The following ZNF814 variants were observed in gnomAD, a reference collection of about 807,000 sequenced individuals.
The protein encoded by ZNF814 is zinc finger protein 814.
ZNF814 carries 5 observed loss-of-function variants against 7.5 expected under a neutral mutation model. That is an observed-to-expected ratio of 0.67 (90% CI 0.35 to 1.40). The LOEUF is 1.40. Ranked by LOEUF, ZNF814 falls within the 40% of genes most tolerant of loss-of-function variation. The probability of loss-of-function intolerance (pLI) is 0.04; values close to 1 mark genes in which losing one functional copy is unlikely to be tolerated. For missense variants in ZNF814, 962 were observed against 1,018.0 expected, an observed-to-expected ratio of 0.94 and a Z score of 0.75; for synonymous variants, 315 against 340.7, an observed-to-expected ratio of 0.92 and a Z score of 0.83.
intron 1 of ZNF814, among the ~76,000 whole-genome samples, chr19:57,878,423 C>CCATT (rs2071625289): frequency 6.6e-6 from 1 of 151,658 alleles, no homozygotes; most frequent in African/African-American, 2.4e-5. Flanking sequence ...CTGCCTGGTC[C>CCATT]CATTGATCGA....
At chr19:57,897,079 C>A in the ZNF814 span, among the ~76,000 whole-genome samples, 1 of 152,002 alleles carries the variant, frequency 6.6e-6, no homozygotes, top group East Asian at 1.9e-4. Context: ...CTGACAAGGA[C>A]CTAAAGAACC....
At chr19:57,893,065 G>A (rs2071741257), upstream of ZNF814, among the ~76,000 whole-genome samples, 4 of 152,098 alleles carry the variant, frequency 2.6e-5, no homozygotes, top group African/African-American at 9.7e-5. Flanking sequence ...CCCCAAGGGT[G>A]TGGTGCAGCC....
intron 1 of ZNF814, among the ~76,000 whole-genome samples, chr19:57,879,354 T>C (rs1568519901): frequency 6.8e-6 from 1 of 147,950 alleles, no homozygotes; most frequent in Non-Finnish European, 1.5e-5. Context: ...ATCTCTATTA[T>C]CTCCATGGAA....
In ZNF814 at chr19:57,873,549, C is replaced by T. The variant is rs2071575569; in HGVS notation, c.1841G>A (p.Ser614Asn). ...ATGGTGAACAAGGCTGCGCTTATGA[C>T]TAAAAGATTTCCCACATTCTCCACA... ...YECGECGKSF[S>N]HKRSLVHHQR... Residue 614 changes from serine (S) to asparagine (N), a missense_variant, in exon 3 of 3, where the codon AGT becomes AAT. This residue lies in a region of ZNF814 where 665 missense variants were observed against 551.4 expected (regional missense o/e 1.21). Transcript: ENST00000435989. 11 of 1,613,984 alleles carry T rather than the reference C, an allele frequency of 6.8e-6. No individual in the cohort carries two copies. The highest frequency in any genetic ancestry group is 7.6e-6 in the Non-Finnish European group (9 of 1,180,016).
Position 57,873,298 on chromosome 19 carries a change from T to C in ZNF814, c.2092A>G (p.Lys698Glu). Residue 698 changes from lysine (K) to glutamate (E), a missense_variant, in exon 3 of 3, where the codon AAG becomes GAG. Coordinates refer to ENST00000435989, the MANE Select transcript of ZNF814 (RefSeq NM_001144989.2). ...TGTACAAGGAGGTGAGACTTCTTCT[T>C]AAATAATTTTCCACATTCCCTACAT... ...YVCRECGKLF[K>E]KKSHLLVHQR... The C allele has an allele frequency of 1.3e-6, 2 of 1,589,986 alleles. No homozygotes were observed. Among genetic ancestry groups the C allele is most frequent in the Non-Finnish European group, 1.7e-6 (2 of 1,167,596 alleles).
the ZNF814 span, among the ~76,000 whole-genome samples, chr19:57,903,308 G>C: frequency 6.6e-6 from 1 of 152,162 alleles, no homozygotes; most frequent in Non-Finnish European, 1.5e-5. Context: ...CAAATTTGTT[G>C]ATAAATGGAA....
At chr19:57,896,057 G>T in the ZNF814 span, among the ~76,000 whole-genome samples, 3 of 151,220 alleles carry the variant, frequency 2.0e-5, no homozygotes, top group East Asian at 2.0e-4. The surrounding 1 kb of genome is among the most constrained non-coding windows in gnomAD (Gnocchi z 4.2). Flanking sequence ...TTTTAGCAAA[G>T]AAATTTTACG....
Position 57,888,923 on chromosome 19 carries a change from A to G in ZNF814, c.-121T>C. 1 of 1,116,570 alleles carries G rather than the reference A, an allele frequency of 9.0e-7. No homozygotes were observed. Among genetic ancestry groups the G allele is most frequent in the Non-Finnish European group, 1.3e-6 (1 of 764,434 alleles). 69.2% of individuals were successfully genotyped at this position (1,116,570 alleles called of 1,614,324 possible). A position where few individuals can be genotyped will look rare whatever the true frequency, so the allele number is the denominator to read the frequency against. ...GCTGGGCGCCGTCACAGAGCTCCAG[A>G]GTAGCCTCTGTGCAGCGGAGGACAA... is the stretch of plus-strand genomic sequence containing the variant. On this transcript the variant is annotated 5_prime_UTR_variant, in exon 1 of 3. Coordinates refer to ENST00000435989, the MANE Select transcript of ZNF814 (RefSeq NM_001144989.2).
At chr19:57,904,975 G>C in the ZNF814 span, among the ~76,000 whole-genome samples, 5 of 151,348 alleles carry the variant, frequency 3.3e-5, no homozygotes, top group South Asian at 2.1e-4. Flanking sequence ...TGAACTCAGG[G>C]GGCAGAAGTT....
At chr19:57,893,534 T>C (rs984351585), upstream of ZNF814, among the ~76,000 whole-genome samples, 5 of 151,060 alleles carry the variant, frequency 3.3e-5, no homozygotes, top group African/African-American at 4.9e-5. Context: ...CCCAGCACTT[T>C]GGGAGGCAGA....
intron 1 of ZNF814, among the ~76,000 whole-genome samples, chr19:57,877,763 TC>T: frequency 6.6e-6 from 1 of 152,248 alleles, no homozygotes; most frequent in Middle Eastern, 3.4e-3. Context: ...CTTAATTCCC[TC>T]CTTTTTCTTC....
chr19:57,874,880 A>G lies in ZNF814; in HGVS notation c.510T>C (p.Ser170=). 1 of 1,614,144 alleles carries G rather than the reference A, an allele frequency of 6.2e-7. No individual in the cohort carries two copies. The highest frequency in any genetic ancestry group is 8.5e-7 in the Non-Finnish European group (1 of 1,179,980). Residue 170 remains serine, a synonymous_variant, in exon 3 of 3, where the codon TCT becomes TCC. Transcript: ENST00000435989. Reference sequence around the variant, plus strand: ...AGTCCTTCCCACTCTCACTGAAGACAGATGACTCCCCTGACACATGCAACT... The same window carrying G: ...AGTCCTTCCCACTCTCACTGAAGACGGATGACTCCCCTGACACATGCAACT... ...RCKLHVSGES[S]VFSESGKDFL... is the part of the protein sequence containing the mutation.
chr19:57,875,043 T>C lies in ZNF814; in HGVS notation c.347A>G (p.Lys116Arg), dbSNP rs2071594665. The C allele has an allele frequency of 2.5e-6, 4 of 1,601,852 alleles. No homozygotes were observed. In the East Asian group the frequency reaches 8.9e-5, roughly 36 times the overall value. The change falls in exon 3 of 3, where the codon AAG becomes AGG. Residue 116 changes from lysine (K) to arginine (R), a missense_variant. Physicochemically the swap from Lys to Arg is conservative, Grantham distance 26. Transcript: ENST00000435989. ...HVADHQGTHH[K>R]QKLHRCEAWG... ...GGCCTCACACCTGTGCAGTTTCTGCTTGTGATGTGTTCCCTGATGATCTGC... is the reference window on the plus strand; with the variant it reads ...GGCCTCACACCTGTGCAGTTTCTGCCTGTGATGTGTTCCCTGATGATCTGC...
In ZNF814 at chr19:57,876,901, G is replaced by A. The variant is rs759361763; in HGVS notation, c.163+15C>T. On this transcript the variant is annotated intron_variant, in intron 2 of 2. Transcript: ENST00000435989. Reference sequence around the variant, plus strand: ...GAGACTAGCTCAGGTCACAGGGTGAGTGTGAGCAACTTACCCAGGGAGGAT... The same window carrying A: ...GAGACTAGCTCAGGTCACAGGGTGAATGTGAGCAACTTACCCAGGGAGGAT... 1.2e-6 allele frequency: 2 copies of A among 1,613,984 alleles called. No individual in the cohort carries two copies. The highest frequency in any genetic ancestry group is 1.7e-6 in the Non-Finnish European group (2 of 1,179,914).
At chr19:57,886,443 C>T (rs183754954) in intron 1 of ZNF814, among the ~76,000 whole-genome samples, 12 of 152,258 alleles carry the variant, frequency 7.9e-5, no homozygotes, top group Admixed American at 4.6e-4. Context: ...GATTGGCCTT[C>T]GGAAAACCTT....
upstream of ZNF814, among the ~76,000 whole-genome samples, chr19:57,892,432 C>T (rs2071739012): frequency 6.6e-6 from 1 of 152,224 alleles, no homozygotes; most frequent in African/African-American, 2.4e-5. Context: ...CTTGACCAAA[C>T]TTTGGTTCAA....
At chr19:57,892,593 G>T (rs1239165020), upstream of ZNF814, among the ~76,000 whole-genome samples, 1 of 152,170 alleles carries the variant, frequency 6.6e-6, no homozygotes, top group Non-Finnish European at 1.5e-5. Context: ...GATGGCTATG[G>T]GTGACAGGAC....
At chr19:57,878,043 G>T (rs1018610659) in intron 1 of ZNF814, among the ~76,000 whole-genome samples, 1 of 151,656 alleles carries the variant, frequency 6.6e-6, no homozygotes, top group Admixed American at 6.6e-5. Flanking sequence ...TCGGGCGCCT[G>T]TGATCCCAGC....
In ZNF814 at chr19:57,874,077, C is replaced by T. The variant is rs758111319; in HGVS notation, c.1313G>A (p.Cys438Tyr). The change falls in exon 3 of 3, where the codon TGT (cysteine) becomes TAT (tyrosine). Residue 438 changes from cysteine to tyrosine, a missense_variant. Coordinates refer to ENST00000435989, the MANE Select transcript of ZNF814 (RefSeq NM_001144989.2). ...ACTAAAAGATTTCCCACATTCTTCA[C>T]ACCCATAAGGTTTTTCTCCAGTGTG... ...RFHTGEKPYG[C>Y]EECGKSFSSE... 8.8e-5 allele frequency: 142 copies of T among 1,606,982 alleles called. 1 individual carries two copies. The South Asian group carries it at 1.5e-3, about 17-fold the overall frequency.
Sources: gnomAD v4.1 joint callset for allele counts (sites outside exome capture counted in the v4.1 genomes callset) on GRCh38, gnomAD v4.1.1 for gene constraint, gnomAD v4.1.1 regional missense constraint, Gnocchi (gnomAD v3.1) non-coding constraint, MANE v1.5 for transcripts, NCBI Gene and HGNC (gene_info 2026-07-23, HGNC 2026-07-21) for gene names.